Variants in VEZT observed in about 807,000 individuals in gnomAD.
VEZT encodes vezatin.
In VEZT, 39 loss-of-function variants were observed where a neutral mutation model predicts 79.9. The ratio of observed to expected loss-of-function variants is 0.49; its 90% confidence interval spans 0.38 to 0.64. The LOEUF (loss-of-function observed/expected upper bound fraction) is 0.64, where lower values mean the gene tolerates loss of function less well. VEZT is among the 30% of genes least tolerant of loss of function. The pLI is 0.00. For synonymous variants in VEZT, 325 were observed against 327.6 expected (o/e 0.99, Z 0.09); for missense variants, 837 against 893.1 (o/e 0.94, Z 0.80).
At chr12:95,268,604 G>A (rs1566182292) in intron 5 of VEZT, among the ~76,000 whole-genome samples, 1 of 152,162 alleles carries the variant, frequency 6.6e-6, no homozygotes, top group Non-Finnish European at 1.5e-5. Flanking sequence ...AGAGGATTCT[G>A]TGCCTTGTGT....
intron 1 of VEZT, chr12:95,218,278 G>A (rs952995705): frequency 3.1e-5 from 5 of 163,592 alleles, no homozygotes; most frequent in Non-Finnish European, 5.3e-5. Context: ...ATTTTTTTGG[G>A]TCAGTATCCA....
rs368728753 is a variant in VEZT, at chr12:95,300,231, A to G, written c.1898A>G (p.Asn633Ser). 224 of 1,567,010 alleles carry G rather than the reference A, an allele frequency of 1.4e-4. No homozygotes were observed. Among genetic ancestry groups the G allele is most frequent in the Non-Finnish European group, 1.9e-4 (214 of 1,155,424 alleles). Reference protein sequence around the residue: ...EPISNSEPSMNSDMGKVSKND... With the variant: ...EPISNSEPSMSSDMGKVSKND... ...ATAAGTAATTCAGAACCATCAATGAATTCAGATATGGGAAAAGTCAGTAAA... is the reference window on the plus strand; with the variant it reads ...ATAAGTAATTCAGAACCATCAATGAGTTCAGATATGGGAAAAGTCAGTAAA... The change falls in exon 12 of 12, where the codon AAT becomes AGT. Residue 633 changes from asparagine (N) to serine (S), a missense_variant. Transcript: ENST00000436874.
chr12:95,278,453 C>G (rs773356445), intron 7 of VEZT, among the ~76,000 whole-genome samples: 3 of 152,176 alleles, frequency 2.0e-5, no homozygotes, highest in Admixed American at 1.3e-4. Context: ...GGAGCCTTAT[C>G]TTGAGGAGCT....
chr12:95,250,935 T>C (rs561513684), intron 1 of VEZT, among the ~76,000 whole-genome samples: 1 of 152,306 alleles, frequency 6.6e-6, no homozygotes, highest in Admixed American at 6.5e-5. Context: ...AGACAGCTGA[T>C]GCACAAAAGG....
rs1274815389 is a variant in VEZT at position 95,263,077 on chromosome 12, A to T, written c.430A>T (p.Ile144Phe). 5.0e-6 allele frequency: 8 copies of T among 1,601,926 alleles called. No individual in the cohort carries two copies. Among genetic ancestry groups the T allele is most frequent in the Non-Finnish European group, 6.8e-6 (8 of 1,171,282 alleles). Residue 144 changes from isoleucine to phenylalanine, a missense_variant, in exon 4 of 12, where the codon ATT becomes TTT. By Grantham distance (21) the Ile-to-Phe change is conservative. Coordinates refer to ENST00000436874, the MANE Select transcript of VEZT (RefSeq NM_017599.4). Reference protein sequence around the residue: ...PTLCSLATPNIWDLSMLFAFI... With the variant: ...PTLCSLATPNFWDLSMLFAFI... ...ACTTTGCTCCCTGGCAACCCCTAAT[A>T]TTTGGTACTGTCCAGAAAACACCTA... is the stretch of plus-strand genomic sequence containing the variant.
intron 1 of VEZT, among the ~76,000 whole-genome samples, chr12:95,223,752 C>T (rs1245192799): frequency 6.6e-6 from 1 of 152,162 alleles, no homozygotes; most frequent in African/African-American, 2.4e-5. Context: ...TGCCTGGCCT[C>T]AGGTAGACTT....
intron 10 of VEZT, 116 bp downstream of exon 10, chr12:95,294,488 C>G: frequency 1.2e-6 from 1 of 841,696 alleles, no homozygotes; most frequent in Non-Finnish European, 1.8e-6. Context: ...GTGCTTAACT[C>G]TGAATTCATT....
At chr12:95,288,502 AT>A (rs1250096328) in intron 9 of VEZT, among the ~76,000 whole-genome samples, 1 of 152,170 alleles carries the variant, frequency 6.6e-6, no homozygotes, top group African/African-American at 2.4e-5. Context: ...TGTGCTGCAA[AT>A]CAGTACCATA....
intron 7 of VEZT, among the ~76,000 whole-genome samples, chr12:95,279,684 T>C (rs1202850082): frequency 2.0e-5 from 3 of 152,206 alleles, no homozygotes; most frequent in African/African-American, 7.2e-5. Flanking sequence ...CCTGAACTCC[T>C]GGGCTCAAGC....
chr12:95,242,036 T>A (rs746289840), intron 1 of VEZT: 2 of 152,226 alleles, frequency 1.3e-5, no homozygotes, highest in African/African-American at 2.4e-5. Context: ...CTGAATTTTT[T>A]AAAAATAAAC....
chr12:95,298,736 T>A (rs1231583524), intron 11 of VEZT: 3 of 152,252 alleles, frequency 2.0e-5, no homozygotes, highest in East Asian at 3.8e-4. Flanking sequence ...TAGTAATAAT[T>A]GTGAACTATC....
At position 95,262,888 on chromosome 12, in the gene VEZT, T is replaced by C; in HGVS notation, c.259-18T>C. 1 of 1,559,442 alleles carries C rather than the reference T, an allele frequency of 6.4e-7. No individual in the cohort carries two copies. Among genetic ancestry groups the C allele is most frequent in the South Asian group, 1.2e-5 (1 of 84,566 alleles). On this transcript the variant is annotated intron_variant, in intron 3 of 11. Transcript: ENST00000436874. The stretch of plus-strand genomic sequence containing the variant: ...TATATATGTGTTAATACCTCTCTTC[T>C]GGTATTTTAATGGCAAGGATATTGG...
chr12:95,267,473 A>G (rs1425842904), intron 5 of VEZT, among the ~76,000 whole-genome samples: 1 of 152,224 alleles, frequency 6.6e-6, no homozygotes, highest in Non-Finnish European at 1.5e-5. Flanking sequence ...GGTGAAGAAC[A>G]TTCATAGCTC....
chr12:95,230,474 G>A (rs2059117849), intron 1 of VEZT, among the ~76,000 whole-genome samples: 1 of 146,144 alleles, frequency 6.8e-6, no homozygotes, highest in Non-Finnish European at 1.5e-5. Context: ...TGGAGTGCAA[G>A]TATTGCAATC....
At chr12:95,241,802 A>G (rs2061059406) in intron 1 of VEZT, among the ~76,000 whole-genome samples, 1 of 152,200 alleles carries the variant, frequency 6.6e-6, no homozygotes, top group Non-Finnish European at 1.5e-5. Context: ...CACATAATTG[A>G]GAATAGTTTA....
At chr12:95,246,731 G>A (rs2061776378) in intron 1 of VEZT, among the ~76,000 whole-genome samples, 1 of 152,128 alleles carries the variant, frequency 6.6e-6, no homozygotes, top group Non-Finnish European at 1.5e-5. Context: ...CCCACATGCT[G>A]TGTCTGAGGT....
At chr12:95,280,512 CT>C (rs1056196730) in intron 7 of VEZT, among the ~76,000 whole-genome samples, 5 of 133,448 alleles carry the variant, frequency 3.7e-5, no homozygotes, top group East Asian at 4.4e-4. Flanking sequence ...TATTCCCCCC[CT>C]TTCATATGTG....
chr12:95,284,055 A>G (rs2069895052), intron 8 of VEZT, among the ~76,000 whole-genome samples: 1 of 152,236 alleles, frequency 6.6e-6, no homozygotes, highest in Admixed American at 6.5e-5. Flanking sequence ...CAGGGAAGAA[A>G]GAGTGCTACA....
chr12:95,236,503 C>T (rs939692060), intron 1 of VEZT, among the ~76,000 whole-genome samples: 3 of 151,672 alleles, frequency 2.0e-5, no homozygotes, highest in Middle Eastern at 3.4e-3. Flanking sequence ...ACCATTGTTT[C>T]TGTAGTCCCC....
Sources: allele counts gnomAD v4.1 joint callset (sites outside exome capture counted in the v4.1 genomes callset), GRCh38; gene constraint gnomAD v4.1.1; transcripts MANE v1.5; gene names NCBI Gene and HGNC (gene_info 2026-07-23, HGNC 2026-07-21).